TBC1D22B: variants seen among roughly 807,000 people sequenced by gnomAD.
TBC1D22B encodes chromosome 6 open reading frame 197.
Under a neutral mutation model 69.1 loss-of-function variants are expected in TBC1D22B, and 32 were observed. The ratio of observed to expected loss-of-function variants is 0.46; its 90% CI spans 0.35 to 0.62. The LOEUF is 0.62. Among genes scored for constraint, TBC1D22B ranks in the 20% least tolerant of loss-of-function variants. The pLI is 0.00. For synonymous variants in TBC1D22B, 206 were observed against 229.8 expected, an observed-to-expected ratio of 0.90 and a Z score of 0.94; for missense variants, 462 against 630.9, an observed-to-expected ratio of 0.73 and a Z score of 2.87.
intron 4 of TBC1D22B, among the ~76,000 whole-genome samples, chr6:37,282,572 G>C (rs1484268822): frequency 1.3e-5 from 2 of 152,228 alleles, no homozygotes; most frequent in African/African-American, 4.8e-5. Flanking sequence ...TCTGTGGCCT[G>C]TAGACCCTAG....
intron 8 of TBC1D22B, among the ~76,000 whole-genome samples, chr6:37,311,734 C>A (rs964792252): frequency 3.3e-5 from 5 of 152,162 alleles, no homozygotes; most frequent in Non-Finnish European, 7.4e-5. Flanking sequence ...TGTCTAATGC[C>A]TGTGTCTCTG....
intron 7 of TBC1D22B, among the ~76,000 whole-genome samples, chr6:37,287,662 G>A (rs1333524734): frequency 6.6e-6 from 1 of 152,204 alleles, no homozygotes; most frequent in Non-Finnish European, 1.5e-5. Context: ...ATTTCACTTA[G>A]CATAATATCT....
chr6:37,296,811 C>T (rs1327591007), intron 8 of TBC1D22B, among the ~76,000 whole-genome samples: 2 of 142,260 alleles, frequency 1.4e-5, no homozygotes, highest in Non-Finnish European at 3.0e-5. Flanking sequence ...CGTGCACACA[C>T]ATATATATAT....
rs149540687 is a variant in TBC1D22B at position 37,315,574 on chromosome 6, C to T, written c.1166-1129C>T. ...TCCTTCCTCTCCTTAAATTCTTCTC[C>T]CCAGAAATAACTTGTTTTTTGAGAT... On this transcript the variant is annotated intron_variant, in intron 10 of 12. Transcript: ENST00000373491. 1.6e-3 allele frequency among the ~76,000 whole-genome samples: 246 copies of T among 151,780 alleles called. 1 individual carries two copies. Among genetic ancestry groups the T allele is most frequent in the African/African-American group, 5.7e-3 (238 of 41,450 alleles).
In TBC1D22B at chr6:37,330,574, A is replaced by G. The variant is rs1202391576; in HGVS notation, c.1390-470A>G. Among the ~76,000 whole-genome samples, 5 of 152,128 alleles carry G rather than the reference A, an allele frequency of 3.3e-5. No homozygotes were observed. In the East Asian group the frequency reaches 9.6e-4, roughly 29 times the overall value. On this transcript the variant is annotated intron_variant, in intron 12 of 12. Coordinates refer to ENST00000373491, the MANE Select transcript of TBC1D22B (RefSeq NM_017772.4). ...TGTCAAAGGATCACTTGAGCCCAGGAGTTCAAGGCTGCAGCAAGCTGTGAT... is the reference window on the plus strand; with the variant it reads ...TGTCAAAGGATCACTTGAGCCCAGGGGTTCAAGGCTGCAGCAAGCTGTGAT...
intron 5 of TBC1D22B, among the ~76,000 whole-genome samples, chr6:37,283,508 A>G (rs778690071): frequency 6.6e-6 from 1 of 152,226 alleles, no homozygotes; most frequent in Non-Finnish European, 1.5e-5. Context: ...CTTTGAGCAG[A>G]TGCAAAAATG....
At chr6:37,330,664 T>C (rs900282473) in intron 12 of TBC1D22B, among the ~76,000 whole-genome samples, 1 of 152,214 alleles carries the variant, frequency 6.6e-6, no homozygotes, top group Admixed American at 6.5e-5. Context: ...GTCATAATTA[T>C]TGTTACAACT....
chr6:37,282,455 T>A (rs997497850), intron 4 of TBC1D22B, 91 bp downstream of exon 4: 1 of 1,400,324 alleles, frequency 7.1e-7, no homozygotes, highest in African/African-American at 1.5e-5. Flanking sequence ...TCTTCCTTCT[T>A]TTACTTTTCT....
intron 12 of TBC1D22B, 30 bp from the exon 13 acceptor site, chr6:37,331,014 A>G (rs770932420): frequency 1.1e-5 from 17 of 1,612,850 alleles, no homozygotes; most frequent in East Asian, 2.2e-5. Context: ...ACGGTCTGGT[A>G]TGATATAAAA....
rs112967006 is a variant in TBC1D22B, at chr6:37,289,561, C to G, written c.868-1682C>G. Among the ~76,000 whole-genome samples, 421 of 152,280 alleles carry G rather than the reference C, an allele frequency of 2.8e-3. 2 individuals are homozygous for G. Among genetic ancestry groups the G allele is most frequent in the African/African-American group, 9.4e-3 (389 of 41,548 alleles). On this transcript the variant is annotated intron_variant, in intron 7 of 12. Coordinates refer to ENST00000373491, the MANE Select transcript of TBC1D22B (RefSeq NM_017772.4). ...ATTCTGAACAGCTAGCTTCCATGTA[C>G]TTGGCCATTGTTACAGCCAGGCGCC... is the stretch of plus-strand genomic sequence containing the variant.
At chr6:37,296,076 T>G (rs958108006) in intron 8 of TBC1D22B, among the ~76,000 whole-genome samples, 2 of 152,152 alleles carry the variant, frequency 1.3e-5, no homozygotes, top group Non-Finnish European at 2.9e-5. Flanking sequence ...CTCAGATGAT[T>G]GTTAGCACTT....
At chr6:37,291,721 C>T (rs1292628198) in intron 8 of TBC1D22B, among the ~76,000 whole-genome samples, 1 of 152,200 alleles carries the variant, frequency 6.6e-6, no homozygotes, top group Non-Finnish European at 1.5e-5. Flanking sequence ...CACTCCAGTT[C>T]ACTTGCTGTA....
intron 2 of TBC1D22B, among the ~76,000 whole-genome samples, chr6:37,271,896 T>C (rs1766498332): frequency 6.6e-6 from 1 of 151,754 alleles, no homozygotes; most frequent in African/African-American, 2.4e-5. Context: ...TTGTATAGAT[T>C]TCTTGAGAGC....
In TBC1D22B at chr6:37,291,357, G is replaced by T; in HGVS notation, c.982G>T (p.Glu328Ter). The T allele has an allele frequency of 6.3e-7, 1 of 1,596,758 alleles. No homozygotes were observed. Among genetic ancestry groups the T allele is most frequent in the Non-Finnish European group, 8.6e-7 (1 of 1,168,640 alleles). Residue 328 changes from glutamate to a stop codon, truncating the protein, a stop_gained and splice_region_variant, in exon 8 of 13, where the codon GAA (glutamate) becomes TAA (stop). Coordinates refer to ENST00000373491, the MANE Select transcript of TBC1D22B (RefSeq NM_017772.4). LOFTEE classifies it high-confidence loss of function. ...TGTCGTCTTCCTCTCAGAATATGTG[G>T]GTAAGAAGCATTAGTACCAAGCTGA... ...FFVVFLSEYVEEDVENFDVTN... is the reference protein window; with the variant it reads ...FFVVFLSEYV
chr6:37,258,342 C>T (rs950052809), intron 1 of TBC1D22B, among the ~76,000 whole-genome samples: 33 of 152,266 alleles, frequency 2.2e-4, no homozygotes, highest in Admixed American at 1.8e-3. Context: ...TCAGGGGTCT[C>T]CACCACGCAC....
At chr6:37,283,609 G>A (rs561420128) in intron 5 of TBC1D22B, among the ~76,000 whole-genome samples, 2 of 152,318 alleles carry the variant, frequency 1.3e-5, no homozygotes, top group South Asian at 2.1e-4. Context: ...CTGACTGCTC[G>A]CCCCCACCTC....
intron 1 of TBC1D22B, among the ~76,000 whole-genome samples, chr6:37,259,603 T>G (rs919138674): frequency 3.3e-5 from 5 of 152,348 alleles, no homozygotes. Flanking sequence ...AACAGTCAAC[T>G]TTTTTAAAGC....
intron 8 of TBC1D22B, among the ~76,000 whole-genome samples, chr6:37,310,696 A>G (rs183251090): frequency 1.6e-4 from 24 of 152,312 alleles, no homozygotes. Context: ...TGATTTCTCA[A>G]ATTGATCTTT....
intron 12 of TBC1D22B, among the ~76,000 whole-genome samples, chr6:37,323,638 C>T (rs1343446473): frequency 6.6e-6 from 1 of 152,166 alleles, no homozygotes; most frequent in East Asian, 1.9e-4. Context: ...TGGGATGTTC[C>T]AGACCTCAAT....
Sources: gnomAD v4.1 joint callset for allele counts (sites outside exome capture counted in the v4.1 genomes callset) on GRCh38, gnomAD v4.1.1 for gene constraint, MANE v1.5 for transcripts, NCBI Gene and HGNC (gene_info 2026-07-23, HGNC 2026-07-21) for gene names.